PSME4: variants seen among roughly 807,000 people sequenced by gnomAD.
PSME4 encodes the protein proteasome activator subunit 4.
PSME4 carries 89 observed loss-of-function variants against 253.9 expected under a neutral mutation model. That is an observed-to-expected ratio of 0.35 (90% CI 0.30 to 0.42). The LOEUF (loss-of-function observed/expected upper bound fraction) is 0.42. Among genes scored for constraint, PSME4 ranks in the 10% least tolerant of loss-of-function variants. The probability of loss-of-function intolerance (pLI) is 1.00; values close to 1 mark genes in which losing one functional copy is unlikely to be tolerated. For missense variants in PSME4, 2,014 were observed against 2,195.2 expected (o/e 0.92, Z 1.65); for synonymous variants, 851 against 759.2 (o/e 1.12, Z -1.99).
At chr2:53,953,487 TAA>T (rs67192995) in intron 1 of PSME4, among the ~76,000 whole-genome samples, 52,734 of 123,280 alleles carry the variant, frequency 0.43, 11,057 homozygotes, top group African/African-American at 0.55. Context: ...CCATGTCTAT[TAA>T]AAAAAAAAAA....
In PSME4 at chr2:53,970,534, C is replaced by G. The variant is rs1327719500; in HGVS notation, c.242+9G>C. ...CCCCGGCCCGGCCCGCAGGCCCGGG[C>G]ACACTTACGTGGAGAGTTTCCTGGT... On this transcript the variant is annotated intron_variant, in intron 1 of 46. Transcript: ENST00000404125. The G allele has an allele frequency of 1.2e-5, 19 of 1,547,522 alleles. No individual in the cohort carries two copies. The highest frequency in any genetic ancestry group is 3.9e-5 in the Admixed American group (2 of 50,812).
At chr2:53,949,368 G>T in intron 1 of PSME4, 85 bp from the exon 2 acceptor site, 1 of 818,744 alleles carries the variant, frequency 1.2e-6, no homozygotes, top group Non-Finnish European at 1.8e-6. Context: ...TAGAAGCCAA[G>T]ATGTAGATGC....
Position 53,934,795 on chromosome 2 carries a change from C to T in PSME4, c.835-68G>A, listed in dbSNP as rs190143909. ...AAATAATTCTTTAGCTTAGTAAGTG[C>T]TGTATATTAGTGTTACTGAAGATAT... On this transcript the variant is annotated intron_variant, in intron 7 of 46. Transcript: ENST00000404125. The T allele has an allele frequency of 8.2e-4, 1,018 of 1,237,448 alleles. 9 individuals are homozygous for T. The Admixed American group carries it at 0.019, about 23-fold the overall frequency. 76.7% of individuals were successfully genotyped at this position (1,237,448 alleles called of 1,614,324 possible). A position where few individuals can be genotyped will look rare whatever the true frequency, so the allele number is the denominator to read the frequency against.
chr2:53,904,034 T>C lies in PSME4; in HGVS notation c.3066A>G (p.Gln1022=), dbSNP rs752772602. 13 of 1,607,768 alleles carry C rather than the reference T, an allele frequency of 8.1e-6. No homozygotes were observed. The highest frequency in any genetic ancestry group is 5.6e-5 in the South Asian group (5 of 89,692). ...LRPDRQGVTQ[Q]QFKGALYCLL... ...GAAAAAAACCCTATACCTTGAATTG[T>C]TGCTGTGTAACACCTTGTCTATCAG... Residue 1022 remains glutamine (Q), a synonymous_variant, in exon 27 of 47, where the codon CAA becomes CAG. Coordinates refer to ENST00000404125, the MANE Select transcript of PSME4 (RefSeq NM_014614.3).
intron 13 of PSME4, 58 bp from the exon 14 acceptor site, chr2:53,925,747 G>A (rs1668529722): frequency 6.6e-7 from 1 of 1,515,942 alleles, no homozygotes; most frequent in Non-Finnish European, 9.1e-7. Flanking sequence ...GACATTTTTG[G>A]TGGTCATCAG....
At chr2:53,940,970 T>TATATACATATTTAA in intron 3 of PSME4, among the ~76,000 whole-genome samples, 1 of 67,062 alleles carries the variant, frequency 1.5e-5, no homozygotes, top group African/African-American at 4.6e-5. Flanking sequence ...TATATATATA[T>TATATACATATTTAA]ATATATATAT....
chr2:53,869,039 A>G (rs1678742883), intron 44 of PSME4, among the ~76,000 whole-genome samples: 1 of 152,214 alleles, frequency 6.6e-6, no homozygotes, highest in African/African-American at 2.4e-5. Context: ...TCTACATTTA[A>G]GTTCTAAATT....
At chr2:53,908,922 A>G in intron 21 of PSME4, 82 bp from the exon 22 acceptor site, 1 of 1,048,704 alleles carries the variant, frequency 9.5e-7, no homozygotes, top group Non-Finnish European at 1.4e-6. Context: ...AGGTTAGGTC[A>G]AGGAGGGATA....
intron 20 of PSME4, among the ~76,000 whole-genome samples, chr2:53,913,585 T>C (rs1332353502): frequency 6.6e-6 from 1 of 152,190 alleles, no homozygotes; most frequent in East Asian, 1.9e-4. Flanking sequence ...CTAATAGATT[T>C]TTTCCCTTCA....
intron 10 of PSME4, among the ~76,000 whole-genome samples, chr2:53,931,547 C>T (rs1015271547): frequency 3.9e-5 from 6 of 152,156 alleles, no homozygotes; most frequent in African/African-American, 1.4e-4. Context: ...CTCAACATTT[C>T]GATCTAAAAA....
At chr2:53,885,483 T>C (rs1679595133) in intron 41 of PSME4, among the ~76,000 whole-genome samples, 2 of 152,238 alleles carry the variant, frequency 1.3e-5, no homozygotes, top group Admixed American at 6.5e-5. Context: ...CATGTAGCTG[T>C]CAAAATCCTG....
At chr2:53,916,121 C>A (rs1484038039) in intron 20 of PSME4, among the ~76,000 whole-genome samples, 1 of 151,474 alleles carries the variant, frequency 6.6e-6, no homozygotes, top group African/African-American at 2.4e-5. Flanking sequence ...GGGGCGGATG[C>A]CTGTAATCCC....
At chr2:53,949,008 A>T (rs1669850438) in intron 2 of PSME4, 135 bp downstream of exon 2, 1 of 1,200,526 alleles carries the variant, frequency 8.3e-7, no homozygotes, top group Non-Finnish European at 1.1e-6. Flanking sequence ...GAAAATTAAG[A>T]TAATGTTTTT....
intron 19 of PSME4, among the ~76,000 whole-genome samples, chr2:53,919,884 T>G (rs967653966): frequency 6.6e-6 from 1 of 152,024 alleles, no homozygotes; most frequent in African/African-American, 2.4e-5. Context: ...CTTAGCTGAG[T>G]CTAGGAAAAC....
intron 41 of PSME4, among the ~76,000 whole-genome samples, chr2:53,878,726 C>G (rs900831695): frequency 1.5e-4 from 23 of 152,306 alleles, no homozygotes; most frequent in Non-Finnish European, 3.2e-4. Context: ...TGAGGAAATT[C>G]CTGCCTAATA....
At chr2:53,870,654 G>A (rs1678832231) in intron 43 of PSME4, 1 of 152,016 alleles carries the variant, frequency 6.6e-6, no homozygotes, top group Non-Finnish European at 1.5e-5. Flanking sequence ...GCGATTACAG[G>A]CATGAGCTAC....
intron 42 of PSME4, 60 bp from the exon 43 acceptor site, chr2:53,874,554 G>C: frequency 6.9e-7 from 1 of 1,458,150 alleles, no homozygotes; most frequent in Non-Finnish European, 9.5e-7. Flanking sequence ...TGAGATGACA[G>C]ATAGTGACAT....
chr2:53,904,031 T>A lies in PSME4; in HGVS notation c.3069A>T (p.Gln1023His). The A allele has an allele frequency of 6.2e-7, 1 of 1,607,026 alleles. No homozygotes were observed. Among genetic ancestry groups the A allele is most frequent in the Non-Finnish European group, 8.5e-7 (1 of 1,177,880 alleles). The change falls in exon 27 of 47, where the codon CAA (glutamine) becomes CAT (histidine). Residue 1023 changes from glutamine (Q) to histidine (H), a missense_variant. Physicochemically the swap from Gln to His is conservative, Grantham distance 24. This residue lies in a region of PSME4 where 989 missense variants were observed against 1,021.1 expected (regional missense o/e 0.97). Transcript: ENST00000404125. Reference protein sequence around the residue: ...RPDRQGVTQQQFKGALYCLLG... With the variant: ...RPDRQGVTQQHFKGALYCLLG... ...TAGGAAAAAAACCCTATACCTTGAA[T>A]TGTTGCTGTGTAACACCTTGTCTAT...
rs1431775417 is a variant in PSME4, at chr2:53,919,110, TTAAAATA to T, written c.2516+34_2516+40del. The T allele has an allele frequency of 1.9e-6, 3 of 1,567,640 alleles. No individual in the cohort carries two copies. The African/African-American group carries it at 4.1e-5, about 21-fold the overall frequency. On this transcript the variant is annotated intron_variant, in intron 20 of 46. Coordinates refer to ENST00000404125, the MANE Select transcript of PSME4 (RefSeq NM_014614.3). ...CAATAACTCATTAAGTGACTAAGAC[TTAAAATA>T]TATGTTAAGTGGAAAACAGTTATTT... is the stretch of plus-strand genomic sequence containing the variant.
Sources: gnomAD v4.1 joint callset for allele counts (sites outside exome capture counted in the v4.1 genomes callset) on GRCh38, gnomAD v4.1.1 for gene constraint, gnomAD v4.1.1 regional missense constraint, MANE v1.5 for transcripts, NCBI Gene and HGNC (gene_info 2026-07-23, HGNC 2026-07-21) for gene names.